Variants in GRIN2B observed in about 807,000 individuals in gnomAD.
GRIN2B encodes the protein glutamate ionotropic receptor NMDA type subunit 2B, also known as glutamate receptor ionotropic, NMDA 2B.
In GRIN2B, 5 loss-of-function variants were observed where a neutral mutation model predicts 114.5. That is an observed-to-expected ratio of 0.04 (90% confidence interval 0.02 to 0.09). The LOEUF (loss-of-function observed/expected upper bound fraction) is 0.09, where lower values mean the gene tolerates loss of function less well. Among genes scored for constraint, GRIN2B ranks in the 10% least tolerant of loss-of-function variants. GRIN2B has a pLI of 1.00. For synonymous variants in GRIN2B, 787 were observed against 745.1 expected, an observed-to-expected ratio of 1.06 and a Z score of -0.92; for missense variants, 1,108 against 1,943.5, an observed-to-expected ratio of 0.57 and a Z score of 8.08.
chr12:13,946,759 CCA>C (rs1460515099), intron 2 of GRIN2B, among the ~76,000 whole-genome samples: 1 of 151,844 alleles, frequency 6.6e-6, no homozygotes, highest in African/African-American at 2.4e-5. Context: ...GTGTATTTTA[CCA>C]CAGTTTAAAA....
intron 2 of GRIN2B, among the ~76,000 whole-genome samples, chr12:13,917,020 C>G (rs551242976): frequency 6.6e-6 from 1 of 151,986 alleles, no homozygotes; most frequent in African/African-American, 2.4e-5. Context: ...GAAAGGAACA[C>G]GGGAAGAAAG....
chr12:13,616,309 G>T (rs1000670747), intron 6 of GRIN2B, 146 bp downstream of exon 6: 2 of 700,530 alleles, frequency 2.9e-6, no homozygotes, highest in Admixed American at 2.0e-5. Context: ...CCAGAGGGCT[G>T]CCAGTAATCC....
intron 3 of GRIN2B, among the ~76,000 whole-genome samples, chr12:13,822,245 A>T (rs979459761): frequency 2.6e-5 from 4 of 152,080 alleles, no homozygotes; most frequent in African/African-American, 9.7e-5. Flanking sequence ...TAATGTTACC[A>T]CTCTTCTAAT....
intron 12 of GRIN2B, among the ~76,000 whole-genome samples, chr12:13,567,936 T>C (rs965260655): frequency 1.3e-5 from 2 of 151,950 alleles, no homozygotes; most frequent in Admixed American, 6.6e-5. Context: ...AACGAGTGAT[T>C]CAGAAAATTG....
At chr12:13,588,126 T>C (rs746443948) in intron 10 of GRIN2B, among the ~76,000 whole-genome samples, 4 of 152,184 alleles carry the variant, frequency 2.6e-5, no homozygotes, top group Non-Finnish European at 4.4e-5. Context: ...ATCCTTTTCA[T>C]GGTCTGAAAT....
At chr12:13,569,754 A>G in intron 12 of GRIN2B, 76 bp downstream of exon 12, 1 of 917,514 alleles carries the variant, frequency 1.1e-6, no homozygotes, top group South Asian at 1.7e-5. Context: ...AAAGAAATGG[A>G]AGAAAAGGAA....
intron 10 of GRIN2B, among the ~76,000 whole-genome samples, 162 bp from the exon 11 acceptor site, chr12:13,572,126 C>T (rs773009776): frequency 6.6e-6 from 1 of 152,232 alleles, no homozygotes; most frequent in African/African-American, 2.4e-5. Context: ...AGCCCTCACT[C>T]AAGAGCAGCA....
At chr12:13,751,427 G>T (rs1863482191) in intron 4 of GRIN2B, among the ~76,000 whole-genome samples, 4 of 152,186 alleles carry the variant, frequency 2.6e-5, no homozygotes, top group Non-Finnish European at 5.9e-5. Flanking sequence ...TAATGCATGT[G>T]AGAAAAAATG....
At chr12:13,926,724 C>T (rs1034899903) in intron 2 of GRIN2B, among the ~76,000 whole-genome samples, 1 of 152,186 alleles carries the variant, frequency 6.6e-6, no homozygotes, top group Non-Finnish European at 1.5e-5. Flanking sequence ...GAGGCCGAGA[C>T]GGGCGGATCA....
At chr12:13,728,545 G>T (rs753058325) in intron 4 of GRIN2B, among the ~76,000 whole-genome samples, 2 of 152,114 alleles carry the variant, frequency 1.3e-5, no homozygotes, top group Non-Finnish European at 2.9e-5. Context: ...CGATTTTTAA[G>T]ACTGGAAGAG....
intron 2 of GRIN2B, among the ~76,000 whole-genome samples, chr12:13,931,157 A>G (rs1298002228): frequency 2.0e-5 from 3 of 152,208 alleles, no homozygotes; most frequent in Admixed American, 6.5e-5. Flanking sequence ...TTTAAATTAT[A>G]CTAGTTGAAA....
chr12:13,845,132 T>C (rs927928215), intron 3 of GRIN2B, among the ~76,000 whole-genome samples: 1 of 152,152 alleles, frequency 6.6e-6, no homozygotes, highest in Non-Finnish European at 1.5e-5. Flanking sequence ...CTGTGAGTAG[T>C]TGGGACACAC....
chr12:13,658,037 C>A (rs1949883806), intron 5 of GRIN2B, among the ~76,000 whole-genome samples: 1 of 152,084 alleles, frequency 6.6e-6, no homozygotes, highest in Non-Finnish European at 1.5e-5. Flanking sequence ...GACACCCTGT[C>A]TCTACTAAAA....
chr12:13,570,243 G>A (rs1018261738), intron 11 of GRIN2B, among the ~76,000 whole-genome samples: 3 of 152,216 alleles, frequency 2.0e-5, no homozygotes, highest in Admixed American at 1.3e-4. Flanking sequence ...TGGGAATGAT[G>A]AGAATGTAAG....
chr12:13,562,926 C>T lies in GRIN2B; in HGVS notation c.4312G>A (p.Val1438Met), dbSNP rs763699668. The T allele has an allele frequency of 5.0e-6, 8 of 1,614,212 alleles. No individual in the cohort carries two copies. Among genetic ancestry groups the T allele is most frequent in the East Asian group, 2.2e-5 (1 of 44,884 alleles). Reference protein sequence around the residue: ...KPVVSALHGAVPARFQKDICI... With the variant: ...KPVVSALHGAMPARFQKDICI... ...ATGTCCTTCTGGAAACGGGCTGGCA[C>T]GGCCCCATGAAGGGCCGAGACCACC... is the stretch of plus-strand genomic sequence containing the variant. Residue 1438 changes from valine to methionine, a missense_variant, in exon 14 of 14, where the codon GTG (valine) becomes ATG (methionine). Val to Met is a conservative substitution (Grantham distance 21, BLOSUM62 1). This residue lies in a region of GRIN2B where 478 missense variants were observed against 506.0 expected (regional missense o/e 0.94). Transcript: ENST00000609686.
chr12:13,812,505 TA>T (rs1197039890), intron 3 of GRIN2B, among the ~76,000 whole-genome samples: 1 of 152,208 alleles, frequency 6.6e-6, no homozygotes, highest in African/African-American at 2.4e-5. Context: ...CAACTAAACC[TA>T]TTTCAACTGT....
intron 3 of GRIN2B, among the ~76,000 whole-genome samples, chr12:13,763,290 A>C (rs542782605): frequency 4.5e-4 from 68 of 152,270 alleles, no homozygotes; most frequent in African/African-American, 1.5e-3. Flanking sequence ...GGGCTGCTTT[A>C]CACCCAGGAA....
In GRIN2B at chr12:13,547,445, C is replaced by CAAAG; in HGVS notation, c.*15334_*15337dup. ...ACTTTGAGGGAGAGGATGAAAACTG[C>CAAAG]AAAGACCCTTGGGATTAAATGAAAT... On this transcript the variant is annotated 3_prime_UTR_variant, in exon 14 of 14. Transcript: ENST00000609686. The CAAAG allele has an allele frequency of 6.6e-6, 1 of 152,216 alleles. No homozygotes were observed. Among genetic ancestry groups the CAAAG allele is most frequent in the East Asian group, 1.9e-4 (1 of 5,168 alleles). The allele number at this position is 152,216 out of a possible 1,614,324, so 9.4% of individuals were successfully genotyped here.
In GRIN2B at chr12:13,564,741, G is replaced by A. The variant is rs1157486740; in HGVS notation, c.2599-102C>T. ...AATTGCTCCAACTGGATAAGAAAAA[G>A]GGAAAGCATGAAGCGAATAGTCTAA... On this transcript the variant is annotated intron_variant, in intron 13 of 13. Transcript: ENST00000609686. This position sits in a 1 kb window ranked among gnomAD's most constrained non-coding sequence, Gnocchi z 4.8. The A allele has an allele frequency of 5.7e-6, 6 of 1,055,776 alleles. No homozygotes were observed. Among genetic ancestry groups the A allele is most frequent in the Non-Finnish European group, 8.8e-6 (6 of 682,690 alleles). 65.4% of individuals were successfully genotyped at this position (1,055,776 alleles called of 1,614,324 possible). A position where few individuals can be genotyped will look rare whatever the true frequency, so the allele number is the denominator to read the frequency against.
Sources: allele counts gnomAD v4.1 joint callset (sites outside exome capture counted in the v4.1 genomes callset), GRCh38; gene constraint gnomAD v4.1.1; regional missense constraint gnomAD v4.1.1; non-coding constraint Gnocchi (gnomAD v3.1); transcripts MANE v1.5; gene names NCBI Gene and HGNC (gene_info 2026-07-23, HGNC 2026-07-21).